Variants in TMEM131L observed in about 807,000 individuals in gnomAD.
TMEM131L encodes the protein transmembrane protein 131-like.
A neutral mutation model predicts 192.2 loss-of-function variants in TMEM131L; 54 were observed. The ratio of observed to expected loss-of-function variants is 0.28; its 90% CI spans 0.23 to 0.35. The LOEUF (loss-of-function observed/expected upper bound fraction) is 0.35, where lower values mean the gene tolerates loss of function less well. Among genes scored for constraint, TMEM131L ranks in the 10% least tolerant of loss-of-function variants. The pLI, the probability that TMEM131L is intolerant of heterozygous loss-of-function variation, is 1.00. For synonymous variants in TMEM131L, 701 were observed against 704.9 expected (o/e 0.99, Z 0.09); for missense variants, 1,888 against 1,972.9 (o/e 0.96, Z 0.82).
At chr4:153,522,294 A>G (rs1478034808) in intron 3 of TMEM131L, among the ~76,000 whole-genome samples, 1 of 152,088 alleles carries the variant, frequency 6.6e-6, no homozygotes, top group African/African-American at 2.4e-5. Context: ...TTTAATGTCA[A>G]CTTTCTAAGT....
intron 3 of TMEM131L, among the ~76,000 whole-genome samples, chr4:153,491,420 C>T (rs555018490): frequency 1.3e-5 from 2 of 151,918 alleles, no homozygotes; most frequent in Non-Finnish European, 1.5e-5. Context: ...AGGTGTCAGT[C>T]ATATGAAAGT....
intron 21 of TMEM131L, among the ~76,000 whole-genome samples, chr4:153,599,561 A>G (rs1322950630): frequency 1.3e-5 from 2 of 152,244 alleles, no homozygotes; most frequent in Non-Finnish European, 2.9e-5. Context: ...TGTAATTGCT[A>G]AATTATCAGA....
intron 3 of TMEM131L, among the ~76,000 whole-genome samples, chr4:153,511,291 C>T (rs905515443): frequency 3.3e-5 from 5 of 152,170 alleles, no homozygotes; most frequent in Non-Finnish European, 7.3e-5. Context: ...CCGTGGAATA[C>T]TACACAGCCA....
intron 30 of TMEM131L, among the ~76,000 whole-genome samples, chr4:153,627,323 C>A (rs989099137): frequency 6.6e-6 from 1 of 152,124 alleles, no homozygotes; most frequent in Non-Finnish European, 1.5e-5. Context: ...GAAAATCTAC[C>A]TGACGGGTAG....
At chr4:153,589,490 C>T (rs943465525) in intron 16 of TMEM131L, among the ~76,000 whole-genome samples, 7 of 152,108 alleles carry the variant, frequency 4.6e-5, no homozygotes, top group Non-Finnish European at 8.8e-5. Context: ...ATTTGCATGT[C>T]CCAGACAAGA....
chr4:153,619,811 G>T (rs1733258703), intron 26 of TMEM131L, among the ~76,000 whole-genome samples: 1 of 152,208 alleles, frequency 6.6e-6, no homozygotes, highest in East Asian at 1.9e-4. Flanking sequence ...GCCAATCTTT[G>T]CTTTCCATGA....
At chr4:153,635,226 T>C (rs975189781) in intron 33 of TMEM131L, among the ~76,000 whole-genome samples, 2 of 152,200 alleles carry the variant, frequency 1.3e-5, no homozygotes, top group African/African-American at 2.4e-5. Flanking sequence ...ACCTTCCACA[T>C]TGAGGGCTTC....
intron 21 of TMEM131L, 25 bp downstream of exon 21, chr4:153,598,757 G>A: frequency 1.3e-6 from 2 of 1,521,668 alleles, no homozygotes; most frequent in Non-Finnish European, 1.8e-6. Flanking sequence ...GTGGCACTCT[G>A]ACAGGGGAGG....
chr4:153,627,165 A>C (rs1733905022), intron 30 of TMEM131L, among the ~76,000 whole-genome samples: 1 of 152,096 alleles, frequency 6.6e-6, no homozygotes, highest in Non-Finnish European at 1.5e-5. Flanking sequence ...TCAGCAAAGG[A>C]GTAAGAGTTG....
chr4:153,529,834 G>A (rs756006224), intron 3 of TMEM131L, among the ~76,000 whole-genome samples: 7 of 152,310 alleles, frequency 4.6e-5, no homozygotes, highest in East Asian at 3.9e-4. Context: ...AAGTCACACA[G>A]TGTATTAAGT....
At chr4:153,505,921 G>A (rs943686849) in intron 3 of TMEM131L, among the ~76,000 whole-genome samples, 1 of 152,088 alleles carries the variant, frequency 6.6e-6, no homozygotes, top group Admixed American at 6.6e-5. Context: ...CAGGGGGCTT[G>A]TTTTGTGTGT....
chr4:153,506,089 A>G (rs778218069), intron 3 of TMEM131L, among the ~76,000 whole-genome samples: 2 of 152,230 alleles, frequency 1.3e-5, no homozygotes, highest in African/African-American at 2.4e-5. Flanking sequence ...AAACAATAGT[A>G]GAGTCGAACT....
In TMEM131L at chr4:153,490,392, G is replaced by A. The variant is rs548258047; in HGVS notation, c.239+16504G>A. On this transcript the variant is annotated intron_variant, in intron 3 of 34. Transcript: ENST00000409959. Reference sequence around the variant, plus strand: ...GGCTGGGGTAATTTGAGGTTGAAATGTGAGAGTGAGATGGAGAAGGCACTT... The same window carrying A: ...GGCTGGGGTAATTTGAGGTTGAAATATGAGAGTGAGATGGAGAAGGCACTT... Among the ~76,000 whole-genome samples, 91 of 152,302 alleles carry A rather than the reference G, an allele frequency of 6.0e-4. 1 individual carries two copies. The highest frequency in any genetic ancestry group is 2.1e-3 in the African/African-American group (87 of 41,568).
chr4:153,601,107 C>CA (rs397879528), intron 21 of TMEM131L, among the ~76,000 whole-genome samples: 36,576 of 102,790 alleles, frequency 0.36, 4,806 homozygotes, highest in Non-Finnish European at 0.4. Flanking sequence ...AAGACTGTCT[C>CA]AAAAAAAAAA....
intron 3 of TMEM131L, among the ~76,000 whole-genome samples, chr4:153,477,000 G>A (rs897496537): frequency 3.3e-5 from 5 of 152,168 alleles, no homozygotes; most frequent in African/African-American, 9.7e-5. Context: ...TTTTGGGTGT[G>A]TGGGAGCAAG....
intron 2 of TMEM131L, among the ~76,000 whole-genome samples, chr4:153,468,754 C>G (rs1197765182): frequency 6.6e-6 from 1 of 151,980 alleles, no homozygotes. Flanking sequence ...TCCCCCACCC[C>G]CTCCTGATTT....
chr4:153,592,506 C>T lies in TMEM131L; in HGVS notation c.1844C>T (p.Ser615Phe). ...IKYFVVQNPS[S>F]WPVSLQLLPL... ...TACTTTGTGGTGCAGAACCCGTCCT[C>T]TTGGCCGGTCTCCTTGCAGCTCCTG... Residue 615 changes from serine (S) to phenylalanine (F), a missense_variant, in exon 18 of 35, where the codon TCT becomes TTT. Coordinates refer to ENST00000409959, the MANE Select transcript of TMEM131L (RefSeq NM_001131007.2). The T allele has an allele frequency of 6.2e-7, 1 of 1,614,190 alleles. No individual in the cohort carries two copies. The highest frequency in any genetic ancestry group is 8.5e-7 in the Non-Finnish European group (1 of 1,180,018).
chr4:153,575,689 T>A (rs181141284), intron 7 of TMEM131L, among the ~76,000 whole-genome samples: 14 of 152,320 alleles, frequency 9.2e-5, no homozygotes, highest in Admixed American at 7.2e-4. Context: ...AAGAAAAAGT[T>A]GTTTATAGAG....
chr4:153,577,897 G>C (rs571168172), intron 7 of TMEM131L, among the ~76,000 whole-genome samples: 1 of 152,160 alleles, frequency 6.6e-6, no homozygotes, highest in South Asian at 2.1e-4. Flanking sequence ...CCAGTCACTG[G>C]TTGGACATAT....
Sources: allele counts gnomAD v4.1 joint callset (sites outside exome capture counted in the v4.1 genomes callset), GRCh38; gene constraint gnomAD v4.1.1; transcripts MANE v1.5; gene names NCBI Gene and HGNC (gene_info 2026-07-23, HGNC 2026-07-21).